Variants in USP16 observed in about 807,000 individuals in gnomAD.
The protein encoded by USP16 is ubiquitin carboxyl-terminal hydrolase 16.
Under a neutral mutation model 95.9 loss-of-function variants are expected in USP16, and 77 were observed. The ratio of observed to expected loss-of-function variants is 0.80; its 90% CI spans 0.67 to 0.97. The LOEUF is 0.97. USP16 is among the 50% of genes least tolerant of loss of function. The probability of loss-of-function intolerance (pLI) is 0.00; values close to 1 mark genes in which losing one functional copy is unlikely to be tolerated. For synonymous variants in USP16, 303 were observed against 318.2 expected, an observed-to-expected ratio of 0.95 and a Z score of 0.51; for missense variants, 943 against 959.9, an observed-to-expected ratio of 0.98 and a Z score of 0.23.
At chr21:29,047,956 A>ATGTGTGTG (rs1338093659) in intron 14 of USP16, among the ~76,000 whole-genome samples, 4 of 150,768 alleles carry the variant, frequency 2.7e-5, no homozygotes, top group African/African-American at 9.9e-5. Context: ...GTATATATAT[A>ATGTGTGTG]TATGTGTGTG....
At chr21:29,043,363 T>G (rs1479484184) in intron 12 of USP16, 60 bp from the exon 13 acceptor site, 2 of 1,214,016 alleles carry the variant, frequency 1.6e-6, no homozygotes, top group Non-Finnish European at 2.2e-6. Flanking sequence ...GTGTGGATTT[T>G]TTTTCACCAA....
chr21:29,028,370 G>A (rs564455087), intron 2 of USP16, among the ~76,000 whole-genome samples: 1 of 150,586 alleles, frequency 6.6e-6, no homozygotes, highest in Non-Finnish European at 1.5e-5. Context: ...CAAGTGATCC[G>A]CCTGCCTTGG....
rs1157994012 is a variant in USP16, at chr21:29,046,666, G to A, written c.1357-1G>A. On this transcript the variant is annotated splice_acceptor_variant, in intron 13 of 17. Coordinates refer to ENST00000399976, the MANE Select transcript of USP16 (RefSeq NM_006447.3). LOFTEE classifies it high-confidence loss of function. The stretch of plus-strand genomic sequence containing the variant: ...TTTGATGCCGTATACTTTTTACCCA[G>A]AACCAACGAAGACAACAAAAAATTC... 1.3e-6 allele frequency: 2 copies of A among 1,597,594 alleles called. No homozygotes were observed. The highest frequency in any genetic ancestry group is 2.2e-5 in the East Asian group (1 of 44,702).
At position 29,053,843 on chromosome 21, in the gene USP16, T is replaced by C. The variant is rs2146406896; in HGVS notation, c.2235T>C (p.Tyr745=). 1 of 1,614,042 alleles carries C rather than the reference T, an allele frequency of 6.2e-7. No homozygotes were observed. The highest frequency in any genetic ancestry group is 8.5e-7 in the Non-Finnish European group (1 of 1,179,984). Residue 745 remains tyrosine, a synonymous_variant, in exon 17 of 18, where the codon TAT becomes TAC. Coordinates refer to ENST00000399976, the MANE Select transcript of USP16 (RefSeq NM_006447.3). ...ATACAAGGGTACTCTATTCCTTATA[T>C]GGAGTTGTTGAACACAGTGGTACTA... The part of the protein sequence containing the change: ...EENTRVLYSL[Y]GVVEHSGTMR...
intron 10 of USP16, among the ~76,000 whole-genome samples, chr21:29,041,280 C>CT (rs1568891829): frequency 6.6e-6 from 1 of 152,136 alleles, no homozygotes; most frequent in African/African-American, 2.4e-5. Context: ...CCTTGGTGCC[C>CT]TTTAGAGCCT....
intron 14 of USP16, among the ~76,000 whole-genome samples, chr21:29,047,729 A>C (rs2085348062): frequency 6.6e-6 from 1 of 151,944 alleles, no homozygotes; most frequent in South Asian, 2.1e-4. Context: ...GTCTTCCTCA[A>C]ATGGGAGAAA....
intron 13 of USP16, among the ~76,000 whole-genome samples, chr21:29,045,144 T>C (rs2085304210): frequency 6.6e-6 from 1 of 152,234 alleles, no homozygotes; most frequent in Non-Finnish European, 1.5e-5. Context: ...TCATGTTCTT[T>C]GAAGTTTTTG....
At chr21:29,025,824 T>C (rs1176970921) in intron 1 of USP16, 2 of 665,820 alleles carry the variant, frequency 3.0e-6, no homozygotes, top group African/African-American at 3.9e-5. Context: ...CAGGACCTGC[T>C]ATGTACTAAC....
chr21:29,039,251 A>G, intron 8 of USP16, 95 bp downstream of exon 8: 1 of 1,203,146 alleles, frequency 8.3e-7, no homozygotes, highest in African/African-American at 1.6e-5. Context: ...TATTAATAGC[A>G]TTACATTTAG....
At chr21:29,053,437 C>G (rs2085446272) in intron 16 of USP16, 1 of 180,194 alleles carries the variant, frequency 5.5e-6, no homozygotes, top group African/African-American at 2.4e-5. Context: ...TCTTCCTGTT[C>G]AGGGCTTACC....
intron 11 of USP16, 78 bp from the exon 12 acceptor site, chr21:29,042,394 C>T: frequency 7.1e-7 from 1 of 1,409,354 alleles, no homozygotes; most frequent in Non-Finnish European, 9.7e-7. Flanking sequence ...TACTCCCCAT[C>T]CCACAGGGCA....
In USP16 at chr21:29,054,195, A is replaced by G. The variant is rs200121208; in HGVS notation, c.*8A>G. 87 of 1,606,426 alleles carry G rather than the reference A, an allele frequency of 5.4e-5. No homozygotes were observed. Among genetic ancestry groups the G allele is most frequent in the Non-Finnish European group, 7.1e-5 (84 of 1,175,418 alleles). On this transcript the variant is annotated 3_prime_UTR_variant, in exon 18 of 18. Transcript: ENST00000399976. ...TATGAGAGAATACTGTAATAATATC[A>G]AAAGCACTTTTTCTGGAAACACATT...
chr21:29,030,841 A>C, intron 3 of USP16, 68 bp downstream of exon 3: 1 of 1,505,340 alleles, frequency 6.6e-7, no homozygotes, highest in Non-Finnish European at 8.9e-7. Flanking sequence ...AGAAGGTATT[A>C]CCTGAAAGTA....
In USP16 at chr21:29,038,408, A is replaced by G. The variant is rs998904326; in HGVS notation, c.710A>G (p.Glu237Gly). 6.2e-7 allele frequency: 1 copy of G among 1,612,820 alleles called. No homozygotes were observed. Among genetic ancestry groups the G allele is most frequent in the Non-Finnish European group, 8.5e-7 (1 of 1,179,100 alleles). Residue 237 changes from glutamate to glycine, a missense_variant, in exon 7 of 18, where the codon GAA (glutamate) becomes GGA (glycine). Glu to Gly is a moderately conservative substitution (Grantham distance 98). Transcript: ENST00000399976. ...VKMSGTIVKI[E>G]PPDLALTEPL... Reference sequence around the variant, plus strand: ...ATGTCTGGAACAATTGTAAAAATTGAACCACCTGATTTGGCATTAACAGTA... The same window carrying G: ...ATGTCTGGAACAATTGTAAAAATTGGACCACCTGATTTGGCATTAACAGTA...
chr21:29,038,207 A>G lies in USP16; in HGVS notation c.637-128A>G, dbSNP rs188141315. The G allele has an allele frequency of 5.5e-4, 336 of 614,058 alleles. 2 individuals are homozygous for G. The highest frequency in any genetic ancestry group is 4.4e-3 in the Middle Eastern group (10 of 2,260). 38.0% of individuals were successfully genotyped at this position (614,058 alleles called of 1,614,324 possible). A position where few individuals can be genotyped will look rare whatever the true frequency, so the allele number is the denominator to read the frequency against. On this transcript the variant is annotated intron_variant, in intron 6 of 17. Transcript: ENST00000399976. ...GGGAGAGAAGCATCTGTAACTTTTC[A>G]TTTTCCAAGTATAGAGTTTTCAGTG... is the stretch of plus-strand genomic sequence containing the variant.
intron 6 of USP16, among the ~76,000 whole-genome samples, chr21:29,037,822 GC>G (rs1391495095): frequency 6.6e-6 from 1 of 152,138 alleles, no homozygotes; most frequent in Non-Finnish European, 1.5e-5. Context: ...CTGGGCTTAA[GC>G]CGTCCACCCC....
Position 29,029,408 on chromosome 21 carries a change from G to A in USP16, c.62-1187G>A, listed in dbSNP as rs542869233. Among the ~76,000 whole-genome samples the A allele has an allele frequency of 2.3e-3, 348 of 152,096 alleles. 1 individual carries two copies. The highest frequency in any genetic ancestry group is 7.8e-3 in the African/African-American group (322 of 41,490). On this transcript the variant is annotated intron_variant, in intron 2 of 17. Coordinates refer to ENST00000399976, the MANE Select transcript of USP16 (RefSeq NM_006447.3). The stretch of plus-strand genomic sequence containing the variant: ...AGCCTGGGCAACAGAGCAAGACTCC[G>A]TCTCAAAAAGAAAAAAGAAAAAAAA...
rs767828672 is a variant in USP16, at chr21:29,043,542, T to C, written c.1299T>C (p.Ser433=). The C allele has an allele frequency of 1.3e-6, 2 of 1,599,140 alleles. No homozygotes were observed. The highest frequency in any genetic ancestry group is 1.3e-5 in the African/African-American group (1 of 74,226). The change falls in exon 13 of 18, where the codon TCT becomes TCC. Residue 433 remains serine (S), a synonymous_variant. Transcript: ENST00000399976. ...SYIKERSDIP[S]GTSKHLQKKA... is the part of the protein sequence containing the mutation. ...TAAAAGAGAGAAGTGATATTCCTTC[T>C]GGAACAAGTAAGCACTTACAGAAAA...
intron 3 of USP16, among the ~76,000 whole-genome samples, chr21:29,032,947 T>C (rs915582780): frequency 7.2e-5 from 11 of 152,236 alleles, no homozygotes; most frequent in African/African-American, 2.7e-4. Flanking sequence ...CATTTACAAT[T>C]GTCACAGTTT....
Sources: gnomAD v4.1 joint callset for allele counts (sites outside exome capture counted in the v4.1 genomes callset) on GRCh38, gnomAD v4.1.1 for gene constraint, MANE v1.5 for transcripts, NCBI Gene and HGNC (gene_info 2026-07-23, HGNC 2026-07-21) for gene names.